The following ROBO2 variants were observed in gnomAD, a reference collection of about 807,000 sequenced individuals.
ROBO2 encodes roundabout guidance receptor 2.
In ROBO2, 53 loss-of-function variants were observed where a neutral mutation model predicts 160.8. The observed-to-expected ratio is 0.33, with a 90% CI of 0.26 to 0.41. The LOEUF (loss-of-function observed/expected upper bound fraction) is 0.41. Among genes scored for constraint, ROBO2 ranks in the 10% least tolerant of loss-of-function variants. The pLI, the probability that ROBO2 is intolerant of heterozygous loss-of-function variation, is 1.00. For missense variants in ROBO2, 1,577 were observed against 1,722.4 expected (o/e 0.92, Z 1.49); for synonymous variants, 664 against 611.7 (o/e 1.09, Z -1.26).
At chr3:76,635,540 A>C (rs1001868905) in intron 2 of ROBO2, among the ~76,000 whole-genome samples, 2 of 152,186 alleles carry the variant, frequency 1.3e-5, no homozygotes, top group African/African-American at 4.8e-5. Context: ...GGTACTTTGC[A>C]AATGTTCATT....
intron 2 of ROBO2, among the ~76,000 whole-genome samples, chr3:76,428,242 G>A (rs1230917759): frequency 6.6e-6 from 1 of 152,038 alleles, no homozygotes; most frequent in Non-Finnish European, 1.5e-5. Flanking sequence ...GAACATCTTT[G>A]TAATGAATCC....
chr3:76,243,261 G>C (rs1191740014), intron 2 of ROBO2, among the ~76,000 whole-genome samples: 1 of 152,042 alleles, frequency 6.6e-6, no homozygotes, highest in East Asian at 1.9e-4. Flanking sequence ...CCAGCTCCTT[G>C]AGCACTGCCG....
chr3:77,649,236 G>C (rs1180700567), exon 26 of ROBO2: 1 of 152,168 alleles, frequency 6.6e-6, no homozygotes, highest in East Asian at 1.9e-4. Flanking sequence ...AAGTTTACTT[G>C]CGTTGAGTAC....
chr3:76,819,614 A>G (rs2065949897), intron 2 of ROBO2, among the ~76,000 whole-genome samples: 1 of 151,996 alleles, frequency 6.6e-6, no homozygotes, highest in African/African-American at 2.4e-5. Context: ...GCAGGCATTC[A>G]TTGTTGGAGA....
intron 2 of ROBO2, among the ~76,000 whole-genome samples, chr3:76,288,977 G>A (rs985292663): frequency 2.6e-5 from 4 of 152,080 alleles, no homozygotes; most frequent in African/African-American, 9.7e-5. Context: ...TGACTTTATG[G>A]TAGAAAAATT....
rs142168002 is a variant in ROBO2 at position 76,934,549 on chromosome 3, G to A, written c.110-163465G>A. ...CGAGGTCAAGAGATCGATCGAGACC[G>A]TCCTGGACAACATGATGAAACCTCC... On this transcript the variant is annotated intron_variant, in intron 2 of 26. Coordinates refer to the ROBO2 transcript ENST00000487694. 5.3e-3 allele frequency among the ~76,000 whole-genome samples: 811 copies of A among 152,038 alleles called. 8 individuals are homozygous for A. Among genetic ancestry groups the A allele is most frequent in the Middle Eastern group, 0.01 (3 of 294 alleles).
rs58195992 is a variant in ROBO2 at position 77,008,114 on chromosome 3, A to G, written c.110-89900A>G. On this transcript the variant is annotated intron_variant, in intron 2 of 26. Transcript: ENST00000487694. ...GTTTCTGATGCTTCATGCATACTAT[A>G]TTAAAATTATAAAATCATTATGTTC... Among the ~76,000 whole-genome samples the G allele has an allele frequency of 6.5e-3, 987 of 152,180 alleles. 9 individuals are homozygous for G. Among genetic ancestry groups the G allele is most frequent in the African/African-American group, 0.023 (943 of 41,570 alleles).
chr3:76,372,425 C>T (rs953234443), intron 2 of ROBO2, among the ~76,000 whole-genome samples: 4 of 151,754 alleles, frequency 2.6e-5, no homozygotes, highest in Non-Finnish European at 4.4e-5. Context: ...AATGTTCAAC[C>T]TAATTGAAAT....
chr3:76,837,510 C>A (rs1361609497), intron 2 of ROBO2, among the ~76,000 whole-genome samples: 1 of 149,588 alleles, frequency 6.7e-6, no homozygotes, highest in African/African-American at 2.4e-5. Context: ...AGTTTTTTTT[C>A]TTTTTATGTT....
chr3:76,549,398 A>G (rs1161469039), intron 2 of ROBO2, among the ~76,000 whole-genome samples: 1 of 152,170 alleles, frequency 6.6e-6, no homozygotes, highest in Non-Finnish European at 1.5e-5. Context: ...TAAAATTATT[A>G]GGAAAGTGTT....
intron 2 of ROBO2, among the ~76,000 whole-genome samples, chr3:76,986,543 G>A (rs1287951690): frequency 6.6e-6 from 1 of 152,018 alleles, no homozygotes; most frequent in African/African-American, 2.4e-5. Flanking sequence ...AGGGGGGAAA[G>A]TTATATTATT....
At chr3:76,323,942 A>T (rs182193626) in intron 2 of ROBO2, among the ~76,000 whole-genome samples, 24 of 152,302 alleles carry the variant, frequency 1.6e-4, no homozygotes, top group Non-Finnish European at 2.6e-4. Context: ...GTTTTAAGAG[A>T]TAAGAAGCTT....
At chr3:76,405,063 G>A (rs1018760560) in intron 2 of ROBO2, among the ~76,000 whole-genome samples, 1 of 151,588 alleles carries the variant, frequency 6.6e-6, no homozygotes, top group African/African-American at 2.4e-5. Context: ...ATGTGTGGAG[G>A]GAAATATGAG....
chr3:77,095,915 GT>G lies in ROBO2; in HGVS notation c.62-2089del, dbSNP rs935469184. Among the ~76,000 whole-genome samples, 373 of 145,430 alleles carry G rather than the reference GT, an allele frequency of 2.6e-3. 3 individuals are homozygous for G. Among genetic ancestry groups the G allele is most frequent in the African/African-American group, 9.0e-3 (356 of 39,688 alleles). On this transcript the variant is annotated intron_variant, in intron 1 of 25. Transcript: ENST00000461745. Reference sequence around the variant, plus strand: ...TATCTAGATGCTTTGGATCTCTTTAGTTTTTTTTTTAAAGTTCTGACCTGTG... The same window carrying G: ...TATCTAGATGCTTTGGATCTCTTTAGTTTTTTTTTAAAGTTCTGACCTGTG...
rs150725699 is a variant in ROBO2, at chr3:76,309,406, T to G, written c.109+371804T>G. 6.4e-4 allele frequency among the ~76,000 whole-genome samples: 97 copies of G among 152,368 alleles called. 1 individual carries two copies. The highest frequency in any genetic ancestry group is 2.3e-3 in the African/African-American group (97 of 41,602). On this transcript the variant is annotated intron_variant, in intron 2 of 26. Transcript: ENST00000487694. ...AGTTGAATACAGGGTGATTATTGTT[T>G]CTAAACTAAGGCACAATGTGAGAGT...
chr3:75,916,801 A>C (rs1000075234), intron 1 of ROBO2, among the ~76,000 whole-genome samples: 1 of 125,212 alleles, frequency 8.0e-6, no homozygotes, highest in African/African-American at 3.1e-5. Context: ...ATTTTGATTT[A>C]AATTCTCTTT....
intron 2 of ROBO2, among the ~76,000 whole-genome samples, chr3:77,253,187 T>C (rs796336763): frequency 9.9e-5 from 15 of 152,244 alleles, no homozygotes; most frequent in African/African-American, 3.6e-4. Context: ...GAAGTCATGG[T>C]TTCAACGTGC....
intron 2 of ROBO2, among the ~76,000 whole-genome samples, chr3:76,209,600 G>A (rs930748188): frequency 6.6e-6 from 1 of 152,054 alleles, no homozygotes; most frequent in African/African-American, 2.4e-5. Flanking sequence ...ATGCCCCTCA[G>A]GAATACTTCA....
intron 2 of ROBO2, among the ~76,000 whole-genome samples, chr3:76,962,424 A>G (rs2079736586): frequency 1.3e-5 from 2 of 152,098 alleles, no homozygotes; most frequent in African/African-American, 4.8e-5. Context: ...AGATCACCTG[A>G]GGTCAGGATT....
Sources: gnomAD v4.1 joint callset for allele counts (sites outside exome capture counted in the v4.1 genomes callset) on GRCh38, gnomAD v4.1.1 for gene constraint, MANE v1.5 for transcripts, NCBI Gene and HGNC (gene_info 2026-07-23, HGNC 2026-07-21) for gene names.